NRG3: variants seen among roughly 807,000 people sequenced by gnomAD.
NRG3 encodes neuregulin 3, also known as pro-neuregulin-3, membrane-bound isoform.
In NRG3, 31 loss-of-function variants were observed where a neutral mutation model predicts 66.9. That is an observed-to-expected ratio of 0.46 (90% CI 0.35 to 0.63). The LOEUF (loss-of-function observed/expected upper bound fraction) is 0.63. Among genes scored for constraint, NRG3 ranks in the 20% least tolerant of loss-of-function variants. The pLI is 0.00. For missense variants in NRG3, 910 were observed against 878.9 expected (o/e 1.04, Z -0.45); for synonymous variants, 393 against 359.4 (o/e 1.09, Z -1.06).
At chr10:82,668,865 T>C (rs1451589354) in intron 2 of NRG3, among the ~76,000 whole-genome samples, 1 of 152,132 alleles carries the variant, frequency 6.6e-6, no homozygotes, top group Non-Finnish European at 1.5e-5. Flanking sequence ...ACATTATAGA[T>C]TGCCTCTATT....
intron 1 of NRG3, among the ~76,000 whole-genome samples, chr10:82,338,458 G>C (rs949783062): frequency 2.0e-5 from 3 of 151,600 alleles, no homozygotes; most frequent in African/African-American, 7.3e-5. Flanking sequence ...TTGGGTACAT[G>C]ACAGTCACGC....
At chr10:81,920,907 A>T (rs1257859473) in intron 1 of NRG3, among the ~76,000 whole-genome samples, 2 of 152,098 alleles carry the variant, frequency 1.3e-5, no homozygotes, top group African/African-American at 4.8e-5. Context: ...TGTTTCTTCT[A>T]ATGTTTTTCT....
chr10:81,964,362 CT>C (rs1189810827), intron 1 of NRG3, among the ~76,000 whole-genome samples: 1 of 134,998 alleles, frequency 7.4e-6, no homozygotes, highest in Non-Finnish European at 1.5e-5. Flanking sequence ...CATCGCTGCA[CT>C]CCAGCTTGGG....
chr10:82,329,562 C>T (rs890620106), intron 1 of NRG3, among the ~76,000 whole-genome samples: 1 of 151,120 alleles, frequency 6.6e-6, no homozygotes, highest in African/African-American at 2.4e-5. Flanking sequence ...GAGCACACAA[C>T]ATGTATTTCC....
At chr10:82,258,507 T>G (rs532125135) in intron 1 of NRG3, among the ~76,000 whole-genome samples, 1 of 152,298 alleles carries the variant, frequency 6.6e-6, no homozygotes, top group East Asian at 1.9e-4. Flanking sequence ...TCATATGGAT[T>G]TTCATGACAC....
intron 4 of NRG3, among the ~76,000 whole-genome samples, chr10:82,916,058 A>G (rs191876640): frequency 6.6e-6 from 1 of 152,254 alleles, no homozygotes; most frequent in Non-Finnish European, 1.5e-5. Flanking sequence ...ATCATGTTCT[A>G]TTTGTATAAG....
In NRG3 at chr10:82,124,126, A is replaced by G. The variant is rs529910774; in HGVS notation, c.824-234613A>G. Among the ~76,000 whole-genome samples, 486 of 152,174 alleles carry G rather than the reference A, an allele frequency of 3.2e-3. 4 individuals carry two copies. The highest frequency in any genetic ancestry group is 0.011 in the African/African-American group (458 of 41,552). On this transcript the variant is annotated intron_variant, in intron 1 of 8. Transcript: ENST00000372141. ...GGTAACTTGTTTTATCTTTGAGATTATATTGGTAGCTTAAATTTCTTGGTT... is the reference window on the plus strand; with the variant it reads ...GGTAACTTGTTTTATCTTTGAGATTGTATTGGTAGCTTAAATTTCTTGGTT...
At chr10:82,503,357 G>C (rs949883704) in intron 2 of NRG3, among the ~76,000 whole-genome samples, 1 of 152,196 alleles carries the variant, frequency 6.6e-6, no homozygotes. Flanking sequence ...AATCTGGTGA[G>C]TAGAATCTTC....
intron 2 of NRG3, among the ~76,000 whole-genome samples, chr10:82,541,223 T>C (rs1451098455): frequency 6.6e-6 from 1 of 152,176 alleles, no homozygotes; most frequent in Non-Finnish European, 1.5e-5. Flanking sequence ...TAAAAATGAA[T>C]GTCAATATGA....
At chr10:82,860,401 G>T (rs531417289) in intron 3 of NRG3, among the ~76,000 whole-genome samples, 1 of 152,248 alleles carries the variant, frequency 6.6e-6, no homozygotes, top group South Asian at 2.1e-4. Flanking sequence ...GTAAAAATTA[G>T]CTTTTTCTTT....
intron 2 of NRG3, among the ~76,000 whole-genome samples, chr10:82,690,968 T>C (rs1489067677): frequency 5.9e-5 from 9 of 152,146 alleles, no homozygotes; most frequent in Admixed American, 3.3e-4. Flanking sequence ...ACTTCTCTCC[T>C]TCCTCCTCTT....
intron 1 of NRG3, among the ~76,000 whole-genome samples, chr10:82,182,597 T>C (rs1012234306): frequency 2.0e-5 from 3 of 151,954 alleles, no homozygotes; most frequent in African/African-American, 7.2e-5. Context: ...AAATAGTATA[T>C]TTTTATAGTT....
intron 3 of NRG3, among the ~76,000 whole-genome samples, chr10:82,829,150 T>A (rs2062390218): frequency 6.6e-6 from 1 of 152,140 alleles, no homozygotes; most frequent in African/African-American, 2.4e-5. Flanking sequence ...AGTTCCTCAA[T>A]GGCCTATATT....
chr10:82,515,148 T>G lies in NRG3; in HGVS notation c.953+156280T>G, dbSNP rs1006061445. On this transcript the variant is annotated intron_variant, in intron 2 of 8. Coordinates refer to ENST00000372141, the MANE Select transcript of NRG3 (RefSeq NM_001010848.4). Reference sequence around the variant, plus strand: ...TATCTCAATGTGATTTTATTTATATTTACTTGAAAACTATATGATGTAAGT... The same window carrying G: ...TATCTCAATGTGATTTTATTTATATGTACTTGAAAACTATATGATGTAAGT... Among the ~76,000 whole-genome samples the G allele has an allele frequency of 2.0e-5, 3 of 152,154 alleles. No homozygotes were observed. The East Asian group carries it at 5.8e-4, about 29-fold the overall frequency.
intron 7 of NRG3, among the ~76,000 whole-genome samples, chr10:82,975,391 A>G (rs1852153855): frequency 6.6e-6 from 1 of 152,128 alleles, no homozygotes; most frequent in African/African-American, 2.4e-5. Flanking sequence ...ATCAGCTCTT[A>G]ATATGTTTGA....
At chr10:82,925,057 A>G (rs1272567176) in intron 4 of NRG3, among the ~76,000 whole-genome samples, 1 of 152,218 alleles carries the variant, frequency 6.6e-6, no homozygotes, top group Non-Finnish European at 1.5e-5. Context: ...AACCCTGTAC[A>G]GAAGACATAA....
intron 1 of NRG3, among the ~76,000 whole-genome samples, chr10:81,934,702 AT>A (rs1318364199): frequency 3.3e-5 from 5 of 152,034 alleles, no homozygotes; most frequent in Non-Finnish European, 5.9e-5. Flanking sequence ...GGGATTTGCA[AT>A]TTTTTGCTAT....
chr10:82,093,485 A>C (rs539923384), intron 1 of NRG3, among the ~76,000 whole-genome samples: 1 of 152,324 alleles, frequency 6.6e-6, no homozygotes, highest in African/African-American at 2.4e-5. Context: ...AATTAACCAT[A>C]TATATGTAAT....
At chr10:81,930,738 A>G (rs1332470971) in intron 1 of NRG3, among the ~76,000 whole-genome samples, 1 of 152,160 alleles carries the variant, frequency 6.6e-6, no homozygotes, top group Non-Finnish European at 1.5e-5. Flanking sequence ...GCATCATCGC[A>G]TGTAGAGGAG....
Sources: allele counts gnomAD v4.1 joint callset (sites outside exome capture counted in the v4.1 genomes callset), GRCh38; gene constraint gnomAD v4.1.1; transcripts MANE v1.5; gene names NCBI Gene and HGNC (gene_info 2026-07-23, HGNC 2026-07-21).